CAPN13: variants seen among roughly 807,000 people sequenced by gnomAD.
The protein encoded by CAPN13 is calpain-13.
Under a neutral mutation model 98.4 loss-of-function variants are expected in CAPN13, and 90 were observed. The observed-to-expected ratio is 0.92, with a 90% CI of 0.77 to 1.09. CAPN13 has a LOEUF of 1.09. Among genes scored for constraint, CAPN13 ranks in the 50% least tolerant of loss-of-function variants. The pLI, the probability that CAPN13 is intolerant of heterozygous loss-of-function variation, is 0.00. For missense variants in CAPN13, 887 were observed against 841.3 expected (o/e 1.05, Z -0.67); for synonymous variants, 330 against 305.5 (o/e 1.08, Z -0.84).
rs1280797759 is a variant in CAPN13, at chr2:30,740,510, G to A, written c.1536+1398C>T. ...TTCTTTGGAGGACACAGACCCTGAGGACAGTTTGTAGGATTACAGAATACT... is the reference window on the plus strand; with the variant it reads ...TTCTTTGGAGGACACAGACCCTGAGAACAGTTTGTAGGATTACAGAATACT... On this transcript the variant is annotated intron_variant, in intron 15 of 22. Transcript: ENST00000295055. 2.6e-5 allele frequency among the ~76,000 whole-genome samples: 4 copies of A among 152,352 alleles called. No homozygotes were observed. In the East Asian group the frequency reaches 7.7e-4, roughly 29 times the overall value.
At chr2:30,732,319 TG>T in intron 20 of CAPN13, 118 bp downstream of exon 20, 1 of 1,310,438 alleles carries the variant, frequency 7.6e-7, no homozygotes, top group Non-Finnish European at 1.1e-6. Flanking sequence ...CACAGGCTGC[TG>T]GCCCACCCTG....
In CAPN13 at chr2:30,764,132, C is replaced by T. The variant is rs770009432; in HGVS notation, c.699G>A (p.Gly233=). The T allele has an allele frequency of 6.4e-7, 1 of 1,563,462 alleles. No individual in the cohort carries two copies. Among genetic ancestry groups the T allele is most frequent in the South Asian group, 1.2e-5 (1 of 84,800 alleles). ...GSLITCATPS[G]PTDTAQAMEN... is the part of the protein sequence containing the mutation. ...GCAAAAGGGCTCCCCAGTGACTTAC[C>T]CCACTTGGAGTGGCACAGGTTATCA... Residue 233 remains glycine (G), a splice_region_variant and synonymous_variant, in exon 6 of 23, where the codon GGG becomes GGA. Transcript: ENST00000295055.
chr2:30,729,841 A>G (rs1670998420), intron 22 of CAPN13: 2 of 152,164 alleles, frequency 1.3e-5, no homozygotes, highest in South Asian at 2.1e-4. Context: ...GAAGAACTGT[A>G]TACTTCGAAG....
At chr2:30,784,334 A>G (rs1438937826) in intron 2 of CAPN13, among the ~76,000 whole-genome samples, 1 of 152,204 alleles carries the variant, frequency 6.6e-6, no homozygotes, top group Non-Finnish European at 1.5e-5. Context: ...GTGAAAACCC[A>G]AGAATCCCAG....
chr2:30,800,168 GA>G (rs1238713346), intron 1 of CAPN13, among the ~76,000 whole-genome samples: 15 of 151,302 alleles, frequency 9.9e-5, no homozygotes, highest in African/African-American at 3.2e-4. Context: ...AAGAAAGAAA[GA>G]AAGAAAGAAA....
At chr2:30,754,434 A>T in intron 8 of CAPN13, 70 bp from the exon 9 acceptor site, 1 of 1,305,870 alleles carries the variant, frequency 7.7e-7, no homozygotes, top group Non-Finnish European at 1.1e-6. Context: ...GTGTGGGTCA[A>T]CAGGGACCCT....
At chr2:30,735,700 G>C (rs1480408934) in intron 18 of CAPN13, among the ~76,000 whole-genome samples, 1 of 152,194 alleles carries the variant, frequency 6.6e-6, no homozygotes, top group Non-Finnish European at 1.5e-5. Context: ...GATATATACT[G>C]AAATAGCCAC....
chr2:30,758,017 G>A (rs980602056), intron 8 of CAPN13, 29 bp downstream of exon 8: 3 of 1,554,938 alleles, frequency 1.9e-6, no homozygotes, highest in African/African-American at 2.8e-5. Context: ...GCTCTGTGAA[G>A]GATGGAGAGA....
Position 30,777,539 on chromosome 2 carries a change from G to T in CAPN13, c.271+28C>A, listed in dbSNP as rs1411938853. 3.9e-6 allele frequency: 6 copies of T among 1,545,832 alleles called. No homozygotes were observed. The African/African-American group carries it at 6.8e-5, about 18-fold the overall frequency. On this transcript the variant is annotated intron_variant, in intron 3 of 22. Transcript: ENST00000295055. ...CACCCTCCACCACTTCCTATCCAGG[G>T]CACGGAGGGAAGATGTTGCACTCTT...
chr2:30,733,156 C>T (rs1671188511), intron 19 of CAPN13, among the ~76,000 whole-genome samples: 1 of 152,180 alleles, frequency 6.6e-6, no homozygotes, highest in African/African-American at 2.4e-5. Flanking sequence ...CAAGTGCACA[C>T]TGGCACATAG....
At position 30,727,777 on chromosome 2, in the gene CAPN13, C is replaced by T. The variant is rs924142467; in HGVS notation, c.*30+2953G>A. Among the ~76,000 whole-genome samples the T allele has an allele frequency of 5.9e-5, 9 of 152,036 alleles. No homozygotes were observed. In the South Asian group the frequency reaches 6.2e-4, roughly 11 times the overall value. ...CTCAAAAATTTACAAATAGAATTTC[C>T]GTATGATCCAGCAGTTCCACTCATA... On this transcript the variant is annotated intron_variant, in intron 22 of 22. Transcript: ENST00000295055.
chr2:30,769,380 C>T (rs1003581678), intron 5 of CAPN13, among the ~76,000 whole-genome samples: 2 of 152,146 alleles, frequency 1.3e-5, no homozygotes, highest in Admixed American at 1.3e-4. Context: ...ACTTGGCATT[C>T]TCCAGCTTTT....
rs2147947114 is a variant in CAPN13, at chr2:30,732,542, C to T, written c.1823G>A (p.Ser608Asn). 1 of 1,609,862 alleles carries T rather than the reference C, an allele frequency of 6.2e-7. No homozygotes were observed. Among genetic ancestry groups the T allele is most frequent in the East Asian group, 2.2e-5 (1 of 44,720 alleles). Reference protein sequence around the residue: ...NTDFLRGIFISRELLHLVTLR... With the variant: ...NTDFLRGIFINRELLHLVTLR... ...GGTCACCAGATGCAGCAGCTCACGG[C>T]TGATGAAGATCCCTCTGAGGAAGTC... is the stretch of plus-strand genomic sequence containing the variant. The change falls in exon 20 of 23, where the codon AGC (serine) becomes AAC (asparagine). Residue 608 changes from serine (S) to asparagine (N), a missense_variant. Ser to Asn is a conservative substitution (Grantham distance 46). Coordinates refer to ENST00000295055, the MANE Select transcript of CAPN13 (RefSeq NM_144575.3).
rs754636607 is a variant in CAPN13 at position 30,732,615 on chromosome 2, G to T, written c.1799-49C>A. The T allele has an allele frequency of 6.4e-6, 10 of 1,572,594 alleles. No homozygotes were observed. The Admixed American group carries it at 1.7e-4, about 26-fold the overall frequency. ...AGTGAGAGGAGGCTAGGGCTCGGGG[G>T]TTCCTCTGCCTCTCAGGGTCTGAGA... is the stretch of plus-strand genomic sequence containing the variant. On this transcript the variant is annotated intron_variant, in intron 19 of 22. Coordinates refer to ENST00000295055, the MANE Select transcript of CAPN13 (RefSeq NM_144575.3).
At chr2:30,775,155 T>A (rs1673618599) in intron 4 of CAPN13, among the ~76,000 whole-genome samples, 2 of 152,212 alleles carry the variant, frequency 1.3e-5, no homozygotes, top group Non-Finnish European at 2.9e-5. Flanking sequence ...AAGAATTTGG[T>A]AAGTTGGCTA....
intron 4 of CAPN13, among the ~76,000 whole-genome samples, chr2:30,771,113 A>G (rs1673387705): frequency 1.3e-5 from 2 of 152,222 alleles, no homozygotes; most frequent in African/African-American, 4.8e-5. Flanking sequence ...GCGCAGATGA[A>G]CCGGATGTTC....
intron 15 of CAPN13, 93 bp from the exon 16 acceptor site, chr2:30,738,550 A>G (rs1485387152): frequency 7.5e-7 from 1 of 1,331,014 alleles, no homozygotes; most frequent in Non-Finnish European, 1.1e-6. Flanking sequence ...CAGATTTCCA[A>G]GCACTTAGTC....
At chr2:30,756,988 T>C (rs983914419) in intron 8 of CAPN13, among the ~76,000 whole-genome samples, 1 of 152,190 alleles carries the variant, frequency 6.6e-6, no homozygotes, top group Non-Finnish European at 1.5e-5. Flanking sequence ...TGCCACAGCT[T>C]AGCCTGGGGC....
chr2:30,735,602 C>T (rs2013768), intron 18 of CAPN13, among the ~76,000 whole-genome samples: 125,994 of 152,144 alleles, frequency 0.83, 52,667 homozygotes, highest in African/African-American at 0.92. Context: ...ACCCTTGCCC[C>T]GGGGGACCCA....
Sources: gnomAD v4.1 joint callset for allele counts (sites outside exome capture counted in the v4.1 genomes callset) on GRCh38, gnomAD v4.1.1 for gene constraint, MANE v1.5 for transcripts, NCBI Gene and HGNC (gene_info 2026-07-23, HGNC 2026-07-21) for gene names.